Variants in MRGBP observed in about 807,000 individuals in gnomAD.
MRGBP encodes the protein MRG domain binding protein.
A neutral mutation model predicts 21.5 loss-of-function variants in MRGBP; 5 were observed. That is an observed-to-expected ratio of 0.23 (90% CI 0.12 to 0.49). The LOEUF (loss-of-function observed/expected upper bound fraction) is 0.49, where lower values mean the gene tolerates loss of function less well. Ranked by LOEUF, MRGBP falls within the 20% of genes least tolerant of loss-of-function variation. The pLI, the probability that MRGBP is intolerant of heterozygous loss-of-function variation, is 0.98. For synonymous variants in MRGBP, 118 were observed against 104.4 expected, an observed-to-expected ratio of 1.13 and a Z score of -0.79; for missense variants, 227 against 277.4, an observed-to-expected ratio of 0.82 and a Z score of 1.29.
intron 4 of MRGBP, 39 bp from the exon 5 acceptor site, chr20:62,799,417 G>T: frequency 6.3e-7 from 1 of 1,589,948 alleles, no homozygotes; most frequent in Non-Finnish European, 8.6e-7. Context: ...TAAGATTCTG[G>T]ATATTCTGTT....
At chr20:62,796,838 C>T (rs1359665924) in intron 1 of MRGBP, among the ~76,000 whole-genome samples, 167 bp downstream of exon 1, 59 of 125,510 alleles carry the variant, frequency 4.7e-4, no homozygotes, top group South Asian at 5.8e-4. Flanking sequence ...ACGCGCCCTT[C>T]GGACCCCGCC....
intron 4 of MRGBP, 68 bp from the exon 5 acceptor site, chr20:62,799,388 C>T: frequency 6.6e-7 from 1 of 1,521,404 alleles, no homozygotes. Flanking sequence ...ATTTTTTTAA[C>T]TGAACAGGAA....
chr20:62,797,010 G>A, intron 1 of MRGBP, 100 bp from the exon 2 acceptor site: 1 of 446,160 alleles, frequency 2.2e-6, no homozygotes, highest in Non-Finnish European at 3.1e-6. Flanking sequence ...CCATCTCTCC[G>A]CAGCCACCCT....
intron 3 of MRGBP, 147 bp downstream of exon 3, chr20:62,798,815 G>A: frequency 6.4e-7 from 1 of 1,573,002 alleles, no homozygotes; most frequent in South Asian, 1.2e-5. Flanking sequence ...GGTGGTCTTG[G>A]AACCTCCGGG....
rs369948386 is a variant in MRGBP, at chr20:62,798,967, C to T, written c.353-8C>T. 1.4e-4 allele frequency: 223 copies of T among 1,613,444 alleles called. No individual in the cohort carries two copies. Among genetic ancestry groups the T allele is most frequent in the Non-Finnish European group, 1.9e-4 (220 of 1,179,974 alleles). On this transcript the variant is annotated splice_region_variant and splice_polypyrimidine_tract_variant and intron_variant, in intron 3 of 4. Transcript: ENST00000370487. The stretch of plus-strand genomic sequence containing the variant: ...GTTTTCGGTGAGCGTCAGCTGTCTC[C>T]TCCACAGGAAAAGTGATGATAGAAG...
chr20:62,798,513 AC>A, intron 2 of MRGBP, 73 bp from the exon 3 acceptor site: 1 of 1,329,328 alleles, frequency 7.5e-7, no homozygotes, highest in Non-Finnish European at 1.1e-6. Context: ...AGTGGCTCTT[AC>A]ACGGCTCTAG....
In MRGBP at chr20:62,800,568, G is replaced by A. The variant is rs979052606; in HGVS notation, c.*925G>A. On this transcript the variant is annotated 3_prime_UTR_variant, in exon 5 of 5. Transcript: ENST00000370487. Reference sequence around the variant, plus strand: ...GGAGATGCCACTTTCGTGTGACTGCGAACATTAAAGCACAAAAAAATCCAA... The same window carrying A: ...GGAGATGCCACTTTCGTGTGACTGCAAACATTAAAGCACAAAAAAATCCAA... 7 of 152,304 alleles carry A rather than the reference G, an allele frequency of 4.6e-5. 1 individual carries two copies. The East Asian group carries it at 5.8e-4, about 13-fold the overall frequency. 9.4% of individuals were successfully genotyped at this position (152,304 alleles called of 1,614,324 possible).
chr20:62,799,900 G>C lies in MRGBP; in HGVS notation c.*257G>C. 1 of 419,848 alleles carries C rather than the reference G, an allele frequency of 2.4e-6. No homozygotes were observed. Among genetic ancestry groups the C allele is most frequent in the Non-Finnish European group, 4.3e-6 (1 of 235,120 alleles). The allele number at this position is 419,848 out of a possible 1,614,324, so 26.0% of individuals were successfully genotyped here. A position where few individuals can be genotyped will look rare whatever the true frequency, so the allele number is the denominator to read the frequency against. Reference sequence around the variant, plus strand: ...CAGATATTGAGGGCTCTGAAGCCTAGTTCTGTCTTCTCTGGAGCAGCTGTG... The same window carrying C: ...CAGATATTGAGGGCTCTGAAGCCTACTTCTGTCTTCTCTGGAGCAGCTGTG... On this transcript the variant is annotated 3_prime_UTR_variant, in exon 5 of 5. Transcript: ENST00000370487.
intron 3 of MRGBP, 69 bp downstream of exon 3, chr20:62,798,737 AGG>A: frequency 6.3e-7 from 1 of 1,594,702 alleles, no homozygotes; most frequent in Non-Finnish European, 8.6e-7. Context: ...CAGGGAGGTG[AGG>A]GTGAGGACCC....
chr20:62,799,696 G>T lies in MRGBP; in HGVS notation c.*53G>T. ...GCGGGCGAGGCACTGTGGTCGCTGA[G>T]GGGGTTGGCTGGGTCTGAGTGCCAC... On this transcript the variant is annotated 3_prime_UTR_variant, in exon 5 of 5. Coordinates refer to ENST00000370487, the MANE Select transcript of MRGBP (RefSeq NM_018270.6). 1 of 1,560,562 alleles carries T rather than the reference G, an allele frequency of 6.4e-7. No individual in the cohort carries two copies. The highest frequency in any genetic ancestry group is 1.4e-5 in the African/African-American group (1 of 73,902).
intron 3 of MRGBP, 80 bp from the exon 4 acceptor site, chr20:62,798,895 G>A (rs1361283840): frequency 1.2e-6 from 2 of 1,601,204 alleles, no homozygotes; most frequent in Admixed American, 1.7e-5. Context: ...GCAAGCGTCG[G>A]AGCAGTCCCT....
intron 3 of MRGBP, 99 bp downstream of exon 3, chr20:62,798,767 G>T: frequency 6.3e-7 from 1 of 1,589,316 alleles, no homozygotes; most frequent in Admixed American, 1.7e-5. Flanking sequence ...CCAGGGAGGT[G>T]TGAGGGTCCA....
chr20:62,797,042 A>C, intron 1 of MRGBP, 68 bp from the exon 2 acceptor site: 3 of 1,224,750 alleles, frequency 2.4e-6, no homozygotes, highest in Non-Finnish European at 3.2e-6. Flanking sequence ...TCCCCAGGGC[A>C]GCCCGTCCCC....
intron 1 of MRGBP, among the ~76,000 whole-genome samples, 198 bp downstream of exon 1, chr20:62,796,869 C>T (rs1233140565): frequency 7.3e-6 from 1 of 136,660 alleles, no homozygotes; most frequent in Non-Finnish European, 1.6e-5. Flanking sequence ...CCCACGACCC[C>T]TACCCCCGTG....
In MRGBP at chr20:62,797,243, C is replaced by T. The variant is rs1312112953; in HGVS notation, c.270+12C>T. The T allele has an allele frequency of 1.9e-6, 3 of 1,566,020 alleles. No homozygotes were observed. Among genetic ancestry groups the T allele is most frequent in the East Asian group, 2.4e-5 (1 of 42,294 alleles). ...ACATGCAGGCGCTGGTGAGCCCAAC[C>T]GCCCTCCCTGTGCCGCCCGATGGGG... On this transcript the variant is annotated intron_variant, in intron 2 of 4. Transcript: ENST00000370487.
chr20:62,799,529 C>T lies in MRGBP; in HGVS notation c.501C>T (p.Asp167=). The T allele has an allele frequency of 6.2e-7, 1 of 1,613,948 alleles. No homozygotes were observed. The highest frequency in any genetic ancestry group is 8.5e-7 in the Non-Finnish European group (1 of 1,180,012). Residue 167 remains aspartate (D), a synonymous_variant, in exon 5 of 5, where the codon GAC becomes GAT. Coordinates refer to ENST00000370487, the MANE Select transcript of MRGBP (RefSeq NM_018270.6). ...SSKDKEKNSS[D]LGCKEGADKR... is the part of the protein sequence containing the mutation. ...AAGACAAAGAGAAGAACTCCTCAGA[C>T]TTGGGGTGCAAAGAAGGCGCAGACA...
Position 62,796,634 on chromosome 20 carries a change from G to A in MRGBP, c.111G>A (p.Val37=). Residue 37 remains valine (V), a synonymous_variant, in exon 1 of 5, where the codon GTG becomes GTA. Coordinates refer to ENST00000370487, the MANE Select transcript of MRGBP (RefSeq NM_018270.6). The part of the protein sequence containing the change: ...ETVVWSPEVE[V]CLFHAMLGHK... ...TGGTGTGGAGCCCCGAGGTGGAGGTGTGCCTCTTCCACGCCATGCTGGGCC... is the reference window on the plus strand; with the variant it reads ...TGGTGTGGAGCCCCGAGGTGGAGGTATGCCTCTTCCACGCCATGCTGGGCC... 1 of 1,340,474 alleles carries A rather than the reference G, an allele frequency of 7.5e-7. No individual in the cohort carries two copies. Among genetic ancestry groups the A allele is most frequent in the Non-Finnish European group, 9.6e-7 (1 of 1,042,182 alleles). 83.0% of individuals were successfully genotyped at this position (1,340,474 alleles called of 1,614,324 possible). A position where few individuals can be genotyped will look rare whatever the true frequency, so the allele number is the denominator to read the frequency against.
chr20:62,799,707 G>C lies in MRGBP; in HGVS notation c.*64G>C. On this transcript the variant is annotated 3_prime_UTR_variant, in exon 5 of 5. Transcript: ENST00000370487. The stretch of plus-strand genomic sequence containing the variant: ...ACTGTGGTCGCTGAGGGGGTTGGCT[G>C]GGTCTGAGTGCCACCCCCCAGGCCA... 2 of 1,520,122 alleles carry C rather than the reference G, an allele frequency of 1.3e-6. No individual in the cohort carries two copies. Among genetic ancestry groups the C allele is most frequent in the East Asian group, 2.3e-5 (1 of 43,940 alleles). 94.2% of individuals were successfully genotyped at this position (1,520,122 alleles called of 1,614,324 possible).
At chr20:62,797,765 C>G (rs1426067224) in intron 2 of MRGBP, among the ~76,000 whole-genome samples, 2 of 152,232 alleles carry the variant, frequency 1.3e-5, no homozygotes, top group East Asian at 3.8e-4. Flanking sequence ...CCAGTCCTCG[C>G]AGAGCTTGGA....
Sources: gnomAD v4.1 joint callset for allele counts (sites outside exome capture counted in the v4.1 genomes callset) on GRCh38, gnomAD v4.1.1 for gene constraint, MANE v1.5 for transcripts, NCBI Gene and HGNC (gene_info 2026-07-23, HGNC 2026-07-21) for gene names.